USP44: variants seen among roughly 807,000 people sequenced by gnomAD.
The protein encoded by USP44 is ubiquitin specific peptidase 44.
USP44 carries 61 observed loss-of-function variants against 69.0 expected under a neutral mutation model. The ratio of observed to expected loss-of-function variants is 0.88; its 90% CI spans 0.72 to 1.09. The LOEUF is 1.09. Ranked by LOEUF, USP44 falls within the 50% of genes least tolerant of loss-of-function variation. The pLI is 0.00. For synonymous variants in USP44, 297 were observed against 295.4 expected, an observed-to-expected ratio of 1.01 and a Z score of -0.06; for missense variants, 753 against 849.9, an observed-to-expected ratio of 0.89 and a Z score of 1.42.
intron 1 of USP44, chr12:95,546,790 A>G (rs185148696): frequency 4.6e-5 from 7 of 152,282 alleles, no homozygotes; most frequent in African/African-American, 1.4e-4. Context: ...ACAAATTTAC[A>G]CGGGGGTTTT....
intron 4 of USP44, among the ~76,000 whole-genome samples, chr12:95,523,639 T>C (rs1316423283): frequency 4.2e-5 from 6 of 143,578 alleles, no homozygotes; most frequent in African/African-American, 1.6e-4. Context: ...TTGCCTGAGC[T>C]CAGGAGTTTC....
At chr12:95,530,023 A>G (rs2076969918) in intron 2 of USP44, among the ~76,000 whole-genome samples, 1 of 152,250 alleles carries the variant, frequency 6.6e-6, no homozygotes, top group Non-Finnish European at 1.5e-5. Context: ...TAGTAACTTC[A>G]GTGAAACATT....
In USP44 at chr12:95,534,917, G is replaced by T. The variant is rs113488826; in HGVS notation, c.-70-591C>A. On this transcript the variant is annotated intron_variant, in intron 1 of 5. Transcript: ENST00000258499. ...GCTGGTCTTGAACTCCTGAGCTCGG[G>T]TCATCTACCCGCCTTGGCCTCCCAA... Among the ~76,000 whole-genome samples the T allele has an allele frequency of 3.9e-5, 6 of 152,246 alleles. 1 individual carries two copies. Among genetic ancestry groups the T allele is most frequent in the African/African-American group, 1.4e-4 (6 of 41,544 alleles).
At chr12:95,544,690 T>C (rs1451334048) in intron 1 of USP44, among the ~76,000 whole-genome samples, 2 of 152,090 alleles carry the variant, frequency 1.3e-5, no homozygotes, top group East Asian at 1.9e-4. Flanking sequence ...CAAAAATACA[T>C]TCCTAAAAAG....
intron 1 of USP44, among the ~76,000 whole-genome samples, 163 bp from the exon 2 acceptor site, chr12:95,534,489 T>G (rs2077134470): frequency 6.6e-6 from 1 of 152,152 alleles, no homozygotes. Context: ...TTCCCTAACC[T>G]CACATCCACC....
chr12:95,542,232 C>T (rs754600641), intron 1 of USP44, among the ~76,000 whole-genome samples: 4 of 152,116 alleles, frequency 2.6e-5, no homozygotes, highest in Non-Finnish European at 5.9e-5. Context: ...TGCCAACTTG[C>T]CAAATGTGAA....
chr12:95,543,122 C>A (rs1592743513), intron 1 of USP44, among the ~76,000 whole-genome samples: 1 of 150,664 alleles, frequency 6.6e-6, no homozygotes, highest in South Asian at 2.1e-4. Flanking sequence ...TAAGTCCTGC[C>A]GGGCACTGTG....
At chr12:95,530,158 G>T (rs986316465) in intron 2 of USP44, among the ~76,000 whole-genome samples, 3 of 152,128 alleles carry the variant, frequency 2.0e-5, no homozygotes, top group Admixed American at 1.3e-4. Flanking sequence ...CCTGGCACAG[G>T]CAACAAAATA....
chr12:95,541,612 T>C (rs2077392645), intron 1 of USP44, among the ~76,000 whole-genome samples: 1 of 152,036 alleles, frequency 6.6e-6, no homozygotes, highest in African/African-American at 2.4e-5. Context: ...TATGCTGATA[T>C]TCCGTTTCAT....
chr12:95,522,048 G>A, intron 4 of USP44: 1 of 985,346 alleles, frequency 1.0e-6, no homozygotes. Context: ...CAGTCTGCTG[G>A]TCATACTTCC....
rs760611912 is a variant in USP44 at position 95,521,229 on chromosome 12, CCA to C, written c.1734-29_1734-28del. 9 of 1,611,982 alleles carry C rather than the reference CCA, an allele frequency of 5.6e-6. No individual in the cohort carries two copies. In the African/African-American group the frequency reaches 1.2e-4, roughly 22 times the overall value. On this transcript the variant is annotated intron_variant, in intron 4 of 5. Transcript: ENST00000258499. ...TGTGAACAAACCAGTGTAAAATTAT[CCA>C]CACAATTAAGGGAAAATAACCACGT...
intron 4 of USP44, among the ~76,000 whole-genome samples, chr12:95,523,951 A>G (rs535095498): frequency 2.0e-5 from 3 of 152,062 alleles, no homozygotes; most frequent in Non-Finnish European, 4.4e-5. Flanking sequence ...ATGTTGGCTC[A>G]CTGCAACCTC....
chr12:95,524,600 A>T (rs1455825044), intron 4 of USP44, 80 bp downstream of exon 4: 1 of 1,105,292 alleles, frequency 9.0e-7, no homozygotes, highest in East Asian at 2.6e-5. Flanking sequence ...AAGGGGAAAA[A>T]ATTATAACAT....
intron 1 of USP44, among the ~76,000 whole-genome samples, chr12:95,539,128 ATTTAAAAAATG>A (rs2077302350): frequency 6.6e-6 from 1 of 152,236 alleles, no homozygotes; most frequent in African/African-American, 2.4e-5. Flanking sequence ...ATTCTCATGC[ATTTAAAAAATG>A]TTTCACACTC....
At chr12:95,535,691 CA>C (rs1329643587) in intron 1 of USP44, among the ~76,000 whole-genome samples, 4 of 152,066 alleles carry the variant, frequency 2.6e-5, no homozygotes, top group African/African-American at 9.7e-5. Flanking sequence ...ATGTAATGAA[CA>C]GAAATCTTAT....
At position 95,520,992 on chromosome 12, in the gene USP44, T is replaced by C. The variant is rs747602720; in HGVS notation, c.1939+5A>G. The stretch of plus-strand genomic sequence containing the variant: ...CCAAGATAAAATACTTTTTCTTATC[T>C]ATACCTCCTTCAGAATTATAGCAGT... On this transcript the variant is annotated splice_donor_5th_base_variant and intron_variant, in intron 5 of 5. Coordinates refer to ENST00000258499, the MANE Select transcript of USP44 (RefSeq NM_032147.5). 2 of 1,614,064 alleles carry C rather than the reference T, an allele frequency of 1.2e-6. No individual in the cohort carries two copies. Among genetic ancestry groups the C allele is most frequent in the Non-Finnish European group, 8.5e-7 (1 of 1,179,898 alleles).
rs776016286 is a variant in USP44, at chr12:95,533,129, T to C, written c.1128A>G (p.Ser376=). ...MELIQPKEPT[S]QYISLCHELH... ...ATTCATGACAAAGAGAAATGTACTG[T>C]GAAGTTGGCTCCTTTGGCTGAATAA... Residue 376 remains serine (S), a synonymous_variant, in exon 2 of 6, where the codon TCA becomes TCG. Coordinates refer to ENST00000258499, the MANE Select transcript of USP44 (RefSeq NM_032147.5). The C allele has an allele frequency of 1.9e-6, 3 of 1,614,258 alleles. No homozygotes were observed. The South Asian group carries it at 3.3e-5, about 18-fold the overall frequency.
Position 95,517,487 on chromosome 12 carries a change from T to C in USP44, c.*667A>G, listed in dbSNP as rs2076510246. ...AGACAAAAATCATAAATCCCAGCCA[T>C]CATTTTTTTCATGTCCATAGTTCCA... On this transcript the variant is annotated 3_prime_UTR_variant, in exon 6 of 6. Transcript: ENST00000258499. 1 of 140,656 alleles carries C rather than the reference T, an allele frequency of 7.1e-6. No homozygotes were observed. Among genetic ancestry groups the C allele is most frequent in the Non-Finnish European group, 1.6e-5 (1 of 63,846 alleles). 8.7% of individuals were successfully genotyped at this position (140,656 alleles called of 1,614,324 possible).
chr12:95,533,436 C>A lies in USP44; in HGVS notation c.821G>T (p.Gly274Val), dbSNP rs759866144. 3 of 1,614,042 alleles carry A rather than the reference C, an allele frequency of 1.9e-6. No homozygotes were observed. The highest frequency in any genetic ancestry group is 1.7e-4 in the Middle Eastern group (1 of 6,060). Residue 274 changes from glycine (G) to valine (V), a missense_variant, in exon 2 of 6, where the codon GGA becomes GTA. Physicochemically the swap from Gly to Val is moderately radical, Grantham distance 109. Transcript: ENST00000258499. ...RRPIVTPGVT[G>V]LRNLGNTCYM... ...GCAAGTATTTCCCAAATTTCTCAAT[C>A]CTGTTACACCAGGAGTTACTATTGG...
Sources: allele counts gnomAD v4.1 joint callset (sites outside exome capture counted in the v4.1 genomes callset), GRCh38; gene constraint gnomAD v4.1.1; transcripts MANE v1.5; gene names NCBI Gene and HGNC (gene_info 2026-07-23, HGNC 2026-07-21).